The following ABCB11 variants were observed in gnomAD, a reference collection of about 807,000 sequenced individuals.
ABCB11 encodes the protein bile salt export pump.
A neutral mutation model predicts 148.0 loss-of-function variants in ABCB11; 95 were observed. The ratio of observed to expected loss-of-function variants is 0.64; its 90% CI spans 0.54 to 0.76. The LOEUF is 0.76. Among genes scored for constraint, ABCB11 ranks in the 30% least tolerant of loss-of-function variants. The pLI is 0.00. For synonymous variants in ABCB11, 591 were observed against 555.4 expected (o/e 1.06, Z -0.90); for missense variants, 1,523 against 1,617.8 (o/e 0.94, Z 1.01).
chr2:168,968,423 T>C lies in ABCB11; in HGVS notation c.2075+4A>G. 1 of 1,609,894 alleles carries C rather than the reference T, an allele frequency of 6.2e-7. No homozygotes were observed. The highest frequency in any genetic ancestry group is 8.5e-7 in the Non-Finnish European group (1 of 1,177,914). ...TTGTAATCTGCCCCATGGCTTGAGC[T>C]TACCTTAAACTATCCTGGTAGCTCC... On this transcript the variant is annotated splice_donor_region_variant and intron_variant, in intron 17 of 27. Coordinates refer to ENST00000650372, the MANE Select transcript of ABCB11 (RefSeq NM_003742.4).
chr2:168,975,801 C>G (rs886682582), intron 12 of ABCB11, among the ~76,000 whole-genome samples: 14 of 147,498 alleles, frequency 9.5e-5, no homozygotes, highest in Non-Finnish European at 1.5e-4. Context: ...ACATATATAT[C>G]ATATATATCA....
At chr2:168,968,844 C>T (rs923886580) in intron 16 of ABCB11, among the ~76,000 whole-genome samples, 1 of 151,408 alleles carries the variant, frequency 6.6e-6, no homozygotes, top group Non-Finnish European at 1.5e-5. Flanking sequence ...CAGAATAACC[C>T]TCCTATGTTA....
At chr2:168,927,973 T>G (rs1295228631) in intron 25 of ABCB11, among the ~76,000 whole-genome samples, 1 of 152,224 alleles carries the variant, frequency 6.6e-6, no homozygotes, top group East Asian at 1.9e-4. Context: ...CACAGTCTAG[T>G]TAGGCAGTTA....
At chr2:168,942,769 A>G (rs1437197882) in intron 21 of ABCB11, among the ~76,000 whole-genome samples, 1 of 151,864 alleles carries the variant, frequency 6.6e-6, no homozygotes, top group African/African-American at 2.4e-5. Flanking sequence ...AATTAAAAAA[A>G]ATTATCAACT....
intron 14 of ABCB11, among the ~76,000 whole-genome samples, chr2:168,971,347 G>T (rs1428240908): frequency 6.6e-6 from 1 of 151,980 alleles, no homozygotes; most frequent in African/African-American, 2.4e-5. Context: ...AAAATCCATT[G>T]AAGTATAATG....
downstream of ABCB11, among the ~76,000 whole-genome samples, chr2:168,918,635 G>A (rs1690990957): frequency 6.6e-6 from 1 of 152,144 alleles, no homozygotes; most frequent in Non-Finnish European, 1.5e-5. Flanking sequence ...TTGGCTTCAT[G>A]AAAAACATCA....
intron 27 of ABCB11, 146 bp from the exon 28 acceptor site, chr2:168,923,968 G>A (rs1045755450): frequency 1.4e-6 from 1 of 724,540 alleles, no homozygotes; most frequent in Admixed American, 2.5e-5. Context: ...GATTAAGCAA[G>A]TATTCCCTGA....
chr2:168,968,514 T>A (rs763274832), intron 16 of ABCB11, 24 bp from the exon 17 acceptor site: 2 of 1,598,440 alleles, frequency 1.3e-6, no homozygotes, highest in African/African-American at 2.7e-5. Context: ...CATGAGCAAT[T>A]TTTTAGTATA....
At chr2:169,018,449 T>C (rs116340159) in intron 1 of ABCB11, among the ~76,000 whole-genome samples, 1,948 of 152,314 alleles carry the variant, frequency 0.013, 50 homozygotes, top group African/African-American at 0.045. Context: ...GTTGGATGGA[T>C]GGTTATTCTT....
intron 19 of ABCB11, among the ~76,000 whole-genome samples, chr2:168,955,206 A>G (rs924807968): frequency 1.3e-5 from 2 of 151,706 alleles, no homozygotes; most frequent in Non-Finnish European, 3.0e-5. Flanking sequence ...GCATTTTACT[A>G]TCTTTAAAAA....
At chr2:168,929,731 A>G (rs1691478557) in intron 25 of ABCB11, among the ~76,000 whole-genome samples, 1 of 152,202 alleles carries the variant, frequency 6.6e-6, no homozygotes, top group Non-Finnish European at 1.5e-5. Flanking sequence ...AGGTGGTGGA[A>G]GAGCAACGGA....
rs1691100418 is a variant in ABCB11, at chr2:168,922,184, A to C, written c.*1438T>G. On this transcript the variant is annotated 3_prime_UTR_variant, in exon 28 of 28. Transcript: ENST00000650372. ...TCTAAGATTGGCCAATTTCCCCAGA[A>C]AATCATTCTTCAATCTCCTGCCAGA... Among the ~76,000 whole-genome samples the C allele has an allele frequency of 1.3e-5, 2 of 152,044 alleles. No individual in the cohort carries two copies. Among genetic ancestry groups the C allele is most frequent in the South Asian group, 4.2e-4 (2 of 4,818 alleles).
Position 168,921,736 on chromosome 2 carries a change from C to G in ABCB11, c.*1886G>C, listed in dbSNP as rs1473057762. The stretch of plus-strand genomic sequence containing the variant: ...ATGCAAGGAGGAGACACCAAAAAGC[C>G]TGGGGAAGCTCTGATCGAGTGGGTG... On this transcript the variant is annotated 3_prime_UTR_variant, in exon 28 of 28. Transcript: ENST00000650372. Among the ~76,000 whole-genome samples, 1 of 152,014 alleles carries G rather than the reference C, an allele frequency of 6.6e-6. No individual in the cohort carries two copies. Among genetic ancestry groups the G allele is most frequent in the Non-Finnish European group, 1.5e-5 (1 of 68,014 alleles).
At chr2:169,018,250 T>C (rs1695424621) in intron 1 of ABCB11, 98 bp from the exon 2 acceptor site, 1 of 1,057,006 alleles carries the variant, frequency 9.5e-7, no homozygotes, top group Admixed American at 2.4e-5. Context: ...CAAGAAATAA[T>C]CTTTACTAAT....
At chr2:168,996,163 C>T (rs972656515) in intron 6 of ABCB11, among the ~76,000 whole-genome samples, 2 of 151,886 alleles carry the variant, frequency 1.3e-5, no homozygotes, top group African/African-American at 4.8e-5. Context: ...GAGTTAAGTA[C>T]CTCCAAGCCC....
In ABCB11 at chr2:168,964,277, G is replaced by A. The variant is rs750821906; in HGVS notation, c.2107C>T (p.Leu703Phe). ...GGAGGTTCGTGCACCAGGTAAGAAAGCTGAGACTTGGAGCGTTGCCGGATG... is the reference window on the plus strand; with the variant it reads ...GGAGGTTCGTGCACCAGGTAAGAAAACTGAGACTTGGAGCGTTGCCGGATG... ...ASIRQRSKSQLSYLVHEPPLA... is the reference protein window; with the variant it reads ...ASIRQRSKSQFSYLVHEPPLA... The change falls in exon 18 of 28, where the codon CTT becomes TTT. Residue 703 changes from leucine (L) to phenylalanine (F), a missense_variant. Transcript: ENST00000650372. 5.1e-6 allele frequency: 8 copies of A among 1,569,860 alleles called. No homozygotes were observed. The highest frequency in any genetic ancestry group is 1.4e-5 in the African/African-American group (1 of 74,002).
Position 168,972,061 on chromosome 2 carries a change from T to C in ABCB11, c.1435-11A>G, listed in dbSNP as rs762147612. ...GCCATCCACGGTCACCTAGAGAGCA[T>C]GGGCACAACATCACAACTTTTGGAA... On this transcript the variant is annotated splice_polypyrimidine_tract_variant and intron_variant, in intron 13 of 27. Coordinates refer to ENST00000650372, the MANE Select transcript of ABCB11 (RefSeq NM_003742.4). 58 of 1,609,766 alleles carry C rather than the reference T, an allele frequency of 3.6e-5. No individual in the cohort carries two copies. The highest frequency in any genetic ancestry group is 4.9e-5 in the Non-Finnish European group (58 of 1,176,962).
chr2:169,018,834 A>G (rs184033654), intron 1 of ABCB11, among the ~76,000 whole-genome samples: 11 of 152,298 alleles, frequency 7.2e-5, no homozygotes, highest in Admixed American at 2.6e-4. Context: ...GGTGGATAAC[A>G]TGTTTTTAAA....
At chr2:168,993,971 T>A in intron 7 of ABCB11, 89 bp from the exon 8 acceptor site, 1 of 1,121,472 alleles carries the variant, frequency 8.9e-7, no homozygotes, top group South Asian at 1.4e-5. Flanking sequence ...TTTTAAACAT[T>A]CCCATCTCTC....
Sources: gnomAD v4.1 joint callset for allele counts (sites outside exome capture counted in the v4.1 genomes callset) on GRCh38, gnomAD v4.1.1 for gene constraint, MANE v1.5 for transcripts, NCBI Gene and HGNC (gene_info 2026-07-23, HGNC 2026-07-21) for gene names.